The following LPAR2 variants were observed in gnomAD, a reference collection of about 807,000 sequenced individuals.
LPAR2 encodes the protein G protein-coupled receptor.
LPAR2 carries 10 observed loss-of-function variants against 15.6 expected under a neutral mutation model. That is an observed-to-expected ratio of 0.64 (90% CI 0.39 to 1.09). LPAR2 has a LOEUF of 1.09. LPAR2 is among the 50% of genes least tolerant of loss of function. The pLI is 0.01. For missense variants in LPAR2, 413 were observed against 484.6 expected (o/e 0.85, Z 1.39); for synonymous variants, 204 against 207.4 (o/e 0.98, Z 0.14).
intron 2 of LPAR2, among the ~76,000 whole-genome samples, chr19:19,625,689 A>AG (rs1340098436): frequency 1.3e-4 from 19 of 149,772 alleles, no homozygotes; most frequent in African/African-American, 4.7e-4. Context: ...AGGCTGAGGC[A>AG]GGAGAACCAC....
Position 19,627,651 on chromosome 19 carries a change from G to A in LPAR2, c.1-367C>T. 3.5e-6 allele frequency: 1 copy of A among 288,422 alleles called. No individual in the cohort carries two copies. Among genetic ancestry groups the A allele is most frequent in the South Asian group, 3.5e-5 (1 of 28,256 alleles). The allele number at this position is 288,422 out of a possible 1,614,324, so 17.9% of individuals were successfully genotyped here. ...AGGAGGGTTAGGGAAAGACAAAGGG[G>A]TGTGAGCTGCGGGAAGAGATGAGGG... is the stretch of plus-strand genomic sequence containing the variant. On this transcript the variant is annotated intron_variant, in intron 1 of 2. Coordinates refer to ENST00000407877, the MANE Select transcript of LPAR2 (RefSeq NM_004720.7). The surrounding 1 kb of genome is among the most constrained non-coding windows in gnomAD (Gnocchi z 4.7).
rs755904156 is a variant in LPAR2 at position 19,626,758 on chromosome 19, T to C, written c.527A>G (p.Asp176Gly). ...CAGGGGTGCCATGCGTGAGCAGCGGTCCAGGGCACAGAGGCAGTGCCAGGA... is the reference window on the plus strand; with the variant it reads ...CAGGGGTGCCATGCGTGAGCAGCGGCCCAGGGCACAGAGGCAGTGCCAGGA... The change falls in exon 2 of 3, where the codon GAC becomes GGC. Residue 176 changes from aspartate (D) to glycine (G), a missense_variant. Transcript: ENST00000407877. The surrounding 1 kb of genome is among the most constrained non-coding windows in gnomAD (Gnocchi z 5.3). 6.2e-7 allele frequency: 1 copy of C among 1,611,868 alleles called. No individual in the cohort carries two copies. The highest frequency in any genetic ancestry group is 1.7e-5 in the Admixed American group (1 of 59,706).
Position 19,627,394 on chromosome 19 carries a change from T to C in LPAR2, c.1-110A>G. 2 of 1,124,956 alleles carry C rather than the reference T, an allele frequency of 1.8e-6. No homozygotes were observed. Among genetic ancestry groups the C allele is most frequent in the Non-Finnish European group, 2.5e-6 (2 of 785,956 alleles). The allele number at this position is 1,124,956 out of a possible 1,614,324, so 69.7% of individuals were successfully genotyped here. A position where few individuals can be genotyped will look rare whatever the true frequency, so the allele number is the denominator to read the frequency against. ...GAAGGACAAGGGTCTCAAATTCAGA[T>C]ACCTCGAAGCAAAGTGGCAGTGGTG... On this transcript the variant is annotated intron_variant, in intron 1 of 2. Coordinates refer to ENST00000407877, the MANE Select transcript of LPAR2 (RefSeq NM_004720.7). The surrounding 1 kb of genome is among the most constrained non-coding windows in gnomAD (Gnocchi z 4.7).
Position 19,626,322 on chromosome 19 carries a change from G to GT in LPAR2, c.742+220dup, listed in dbSNP as rs2061739526. Among the ~76,000 whole-genome samples, 1 of 152,222 alleles carries GT rather than the reference G, an allele frequency of 6.6e-6. No individual in the cohort carries two copies. Among genetic ancestry groups the GT allele is most frequent in the South Asian group, 2.1e-4 (1 of 4,832 alleles). On this transcript the variant is annotated intron_variant, in intron 2 of 2. Transcript: ENST00000407877. The surrounding 1 kb of genome is among the most constrained non-coding windows in gnomAD (Gnocchi z 5.3). ...GGCTCTGGCCTCGTACTGCCTTGAG[G>GT]TTTTTACTTTCCGTTTCCTCTGCCT...
intron 2 of LPAR2, 127 bp from the exon 3 acceptor site, chr19:19,624,696 G>A (rs2061731486): frequency 1.4e-6 from 1 of 712,210 alleles, no homozygotes. Context: ...TGCAAGAGCT[G>A]CTTGTTTCCC....
At chr19:19,624,654 C>T in intron 2 of LPAR2, 85 bp from the exon 3 acceptor site, 1 of 1,139,850 alleles carries the variant, frequency 8.8e-7, no homozygotes, top group South Asian at 1.5e-5. Flanking sequence ...GAGTGGTCTC[C>T]AGAGCTCGAG....
In LPAR2 at chr19:19,627,039, G is replaced by A. The variant is rs2061744752; in HGVS notation, c.246C>T (p.Gly82=). The change falls in exon 2 of 3, where the codon GGC becomes GGT. Residue 82 remains glycine, a synonymous_variant. Coordinates refer to ENST00000407877, the MANE Select transcript of LPAR2 (RefSeq NM_004720.7). The surrounding 1 kb of genome is among the most constrained non-coding windows in gnomAD (Gnocchi z 4.7). ...GGAACATGAGGAAGAGGTAGGCCACGCCCGCGAAGAGGTCAGCCGCGGCCA... is the reference window on the plus strand; with the variant it reads ...GGAACATGAGGAAGAGGTAGGCCACACCCGCGAAGAGGTCAGCCGCGGCCA... The A allele has an allele frequency of 1.2e-6, 2 of 1,613,786 alleles. No homozygotes were observed. The highest frequency in any genetic ancestry group is 4.5e-5 in the East Asian group (2 of 44,882).
In LPAR2 at chr19:19,627,610, T is replaced by C. The variant is rs919029804; in HGVS notation, c.1-326A>G. Reference sequence around the variant, plus strand: ...CACCTGCCGCCAATGTGTGACCCGGTTTGGGTTGTGGGGAGAGGAGGGTTA... The same window carrying C: ...CACCTGCCGCCAATGTGTGACCCGGCTTGGGTTGTGGGGAGAGGAGGGTTA... On this transcript the variant is annotated intron_variant, in intron 1 of 2. Coordinates refer to ENST00000407877, the MANE Select transcript of LPAR2 (RefSeq NM_004720.7). This position sits in a 1 kb window ranked among gnomAD's most constrained non-coding sequence, Gnocchi z 4.7. 6 of 347,150 alleles carry C rather than the reference T, an allele frequency of 1.7e-5. No homozygotes were observed. The highest frequency in any genetic ancestry group is 3.3e-5 in the Non-Finnish European group (6 of 183,632). The allele number at this position is 347,150 out of a possible 1,614,324, so 21.5% of individuals were successfully genotyped here.
chr19:19,627,417 G>A lies in LPAR2; in HGVS notation c.1-133C>T. The A allele has an allele frequency of 1.1e-6, 1 of 911,406 alleles. No individual in the cohort carries two copies. Among genetic ancestry groups the A allele is most frequent in the Non-Finnish European group, 1.7e-6 (1 of 597,676 alleles). The allele number at this position is 911,406 out of a possible 1,614,324, so 56.5% of individuals were successfully genotyped here. On this transcript the variant is annotated intron_variant, in intron 1 of 2. Coordinates refer to ENST00000407877, the MANE Select transcript of LPAR2 (RefSeq NM_004720.7). This position sits in a 1 kb window ranked among gnomAD's most constrained non-coding sequence, Gnocchi z 4.7. ...GATACCTCGAAGCAAAGTGGCAGTG[G>A]TGAGGACTACGGTGGCCTGGAAAAA...
chr19:19,624,991 T>C (rs1385351881), intron 2 of LPAR2, among the ~76,000 whole-genome samples: 3 of 151,928 alleles, frequency 2.0e-5, no homozygotes, highest in South Asian at 2.1e-4. Flanking sequence ...ATTTTTTTTT[T>C]TTTGTATTTT....
chr19:19,626,130 G>T lies in LPAR2; in HGVS notation c.742+413C>A, dbSNP rs554767862. ...ACTCCCAACCTCAGCTGATCTGCCC[G>T]CCTCGGCCTCCCAAAGTGCTGGGAT... On this transcript the variant is annotated intron_variant, in intron 2 of 2. Transcript: ENST00000407877. This position sits in a 1 kb window ranked among gnomAD's most constrained non-coding sequence, Gnocchi z 5.3. Among the ~76,000 whole-genome samples, 2 of 152,118 alleles carry T rather than the reference G, an allele frequency of 1.3e-5. No homozygotes were observed. The highest frequency in any genetic ancestry group is 1.9e-4 in the East Asian group (1 of 5,132).
Position 19,624,568 on chromosome 19 carries a change from C to T in LPAR2, c.744G>A (p.Gly248=). 6.3e-7 allele frequency: 1 copy of T among 1,590,466 alleles called. No homozygotes were observed. The change falls in exon 3 of 3, where the codon GGG becomes GGA. Residue 248 remains glycine (G), a splice_region_variant and synonymous_variant. Coordinates refer to ENST00000407877, the MANE Select transcript of LPAR2 (RefSeq NM_004720.7). Reference sequence around the variant, plus strand: ...CTGGTGTCCAGCAGACCACGAACGCCCCTGTGGGACAGAGGCGGAAGTGAG... The same window carrying T: ...CTGGTGTCCAGCAGACCACGAACGCTCCTGTGGGACAGAGGCGGAAGTGAG...
Position 19,624,094 on chromosome 19 carries a change from C to G in LPAR2, c.*162G>C, listed in dbSNP as rs1342508681. On this transcript the variant is annotated 3_prime_UTR_variant, in exon 3 of 3. Transcript: ENST00000407877. ...TGACCCAAAGCCCCCATTCCCTGGG[C>G]AGAGTGGTGTGCCTGGGGAGGCCTG... is the stretch of plus-strand genomic sequence containing the variant. The G allele has an allele frequency of 1.4e-6, 1 of 719,402 alleles. No individual in the cohort carries two copies. The highest frequency in any genetic ancestry group is 2.4e-6 in the Non-Finnish European group (1 of 424,338). The allele number at this position is 719,402 out of a possible 1,614,324, so 44.6% of individuals were successfully genotyped here.
In LPAR2 at chr19:19,626,494, G is replaced by A. The variant is rs1337222899; in HGVS notation, c.742+49C>T. ...TTCATTGCTTCGCAGTGTCTTGTGG[G>A]AGATAGGGGGAAGCAGGGTCCCTGT... On this transcript the variant is annotated intron_variant, in intron 2 of 2. Transcript: ENST00000407877. This position sits in a 1 kb window ranked among gnomAD's most constrained non-coding sequence, Gnocchi z 5.3. 6.5e-7 allele frequency: 1 copy of A among 1,542,030 alleles called. No individual in the cohort carries two copies. Among genetic ancestry groups the A allele is most frequent in the East Asian group, 2.3e-5 (1 of 44,340 alleles).
At position 19,626,422 on chromosome 19, in the gene LPAR2, C is replaced by T; in HGVS notation, c.742+121G>A. 7.9e-7 allele frequency: 1 copy of T among 1,258,434 alleles called. No homozygotes were observed. The allele number at this position is 1,258,434 out of a possible 1,614,324, so 78.0% of individuals were successfully genotyped here. On this transcript the variant is annotated intron_variant, in intron 2 of 2. Transcript: ENST00000407877. The surrounding 1 kb of genome is among the most constrained non-coding windows in gnomAD (Gnocchi z 5.3). Reference sequence around the variant, plus strand: ...ATTATCACCTCCTTGGAGGACATTCCCCACCTAAATCATCCCCCATCACCC... The same window carrying T: ...ATTATCACCTCCTTGGAGGACATTCTCCACCTAAATCATCCCCCATCACCC...
chr19:19,624,669 A>G, intron 2 of LPAR2, 100 bp from the exon 3 acceptor site: 1 of 945,666 alleles, frequency 1.1e-6, no homozygotes, highest in South Asian at 1.6e-5. Flanking sequence ...CTCGAGCAAT[A>G]GTGGTGAAGT....
At chr19:19,625,913 C>T (rs1392249563) in intron 2 of LPAR2, among the ~76,000 whole-genome samples, 5 of 123,244 alleles carry the variant, frequency 4.1e-5, no homozygotes, top group Admixed American at 9.4e-5. Context: ...TCTGGAGTTT[C>T]GCTCTTGTTG....
Position 19,627,174 on chromosome 19 carries a change from TG to T in LPAR2, c.110del (p.Ala37AspfsTer4). On this transcript the variant is annotated frameshift_variant, in exon 2 of 3. Transcript: ENST00000407877. LOFTEE classifies it high-confidence loss of function. This position sits in a 1 kb window ranked among gnomAD's most constrained non-coding sequence, Gnocchi z 4.7. Reference sequence around the variant, plus strand: ...CCAGCACGCTGACGGTCAGCCCCAGTGCCACCACGACCACATCCTTGGGCCG... The same window carrying T: ...CCAGCACGCTGACGGTCAGCCCCAGTCCACCACGACCACATCCTTGGGCCG... 1 of 1,613,210 alleles carries T rather than the reference TG, an allele frequency of 6.2e-7. No individual in the cohort carries two copies. The highest frequency in any genetic ancestry group is 8.5e-7 in the Non-Finnish European group (1 of 1,179,996).
chr19:19,627,551 T>A lies in LPAR2; in HGVS notation c.1-267A>T. On this transcript the variant is annotated intron_variant, in intron 1 of 2. Coordinates refer to ENST00000407877, the MANE Select transcript of LPAR2 (RefSeq NM_004720.7). The surrounding 1 kb of genome is among the most constrained non-coding windows in gnomAD (Gnocchi z 4.7). ...AGTCAATAGGTTTTTGAACCAGAAG[T>A]GAAACAAAACCCATCTATGGTCGAA... 1 of 453,994 alleles carries A rather than the reference T, an allele frequency of 2.2e-6. No individual in the cohort carries two copies. Among genetic ancestry groups the A allele is most frequent in the Non-Finnish European group, 4.0e-6 (1 of 250,444 alleles). The allele number at this position is 453,994 out of a possible 1,614,324, so 28.1% of individuals were successfully genotyped here. A position where few individuals can be genotyped will look rare whatever the true frequency, so the allele number is the denominator to read the frequency against.
Sources: gnomAD v4.1 joint callset for allele counts (sites outside exome capture counted in the v4.1 genomes callset) on GRCh38, gnomAD v4.1.1 for gene constraint, Gnocchi (gnomAD v3.1) non-coding constraint, MANE v1.5 for transcripts, NCBI Gene and HGNC (gene_info 2026-07-23, HGNC 2026-07-21) for gene names.